TBCK: variants seen among roughly 807,000 people sequenced by gnomAD.
TBCK encodes the protein TBC domain-containing protein kinase-like protein.
In TBCK, 99 loss-of-function variants were observed where a neutral mutation model predicts 113.4. That is an observed-to-expected ratio of 0.87 (90% CI 0.74 to 1.03). TBCK has a LOEUF of 1.03. TBCK is among the 50% of genes least tolerant of loss of function. The pLI is 0.00. For synonymous variants in TBCK, 369 were observed against 370.8 expected, an observed-to-expected ratio of 1.00 and a Z score of 0.05; for missense variants, 1,045 against 1,061.3, an observed-to-expected ratio of 0.98 and a Z score of 0.21.
chr4:106,048,595 T>C (rs183602221), intron 25 of TBCK, among the ~76,000 whole-genome samples: 3 of 152,268 alleles, frequency 2.0e-5, no homozygotes, highest in East Asian at 3.9e-4. Context: ...CATATGATTA[T>C]TGAAACATCT....
Position 106,171,230 on chromosome 4 carries a change from C to T in TBCK, c.2100G>A (p.Leu700=), listed in dbSNP as rs1750968885. The T allele has an allele frequency of 9.9e-6, 16 of 1,611,522 alleles. No homozygotes were observed. The highest frequency in any genetic ancestry group is 1.4e-5 in the Non-Finnish European group (16 of 1,179,050). ...IERCVRESIN[L]FCWTPKSATY... ...TAGCACTTTTAGGAGTCCAACAAAA[C>T]AGGTTGATAGATTCTCTCACACAGC... The change falls in exon 23 of 26, where the codon CTG becomes CTA. Residue 700 remains leucine, a synonymous_variant. Transcript: ENST00000394708.
chr4:106,275,427 T>C (rs992781546), intron 3 of TBCK, among the ~76,000 whole-genome samples: 2 of 152,070 alleles, frequency 1.3e-5, no homozygotes, highest in African/African-American at 4.8e-5. Context: ...TCCTATCTAG[T>C]GAAATAGGTC....
At chr4:106,086,441 T>C (rs1739526522) in intron 25 of TBCK, among the ~76,000 whole-genome samples, 1 of 152,148 alleles carries the variant, frequency 6.6e-6, no homozygotes, top group Non-Finnish European at 1.5e-5. Flanking sequence ...CAGTAATTAA[T>C]AGCCTACCAA....
intron 23 of TBCK, among the ~76,000 whole-genome samples, chr4:106,149,057 C>G (rs1748170323): frequency 6.6e-6 from 1 of 152,178 alleles, no homozygotes; most frequent in African/African-American, 2.4e-5. Context: ...TCTTATGAAC[C>G]AACCTCTGCT....
chr4:106,204,978 G>A (rs1755301523), intron 20 of TBCK, among the ~76,000 whole-genome samples: 1 of 150,934 alleles, frequency 6.6e-6, no homozygotes, highest in Non-Finnish European at 1.5e-5. Context: ...TGTTAGCCAG[G>A]ATGGTCTCGA....
chr4:106,268,059 T>A (rs1763147158), intron 3 of TBCK, among the ~76,000 whole-genome samples: 1 of 152,076 alleles, frequency 6.6e-6, no homozygotes, highest in African/African-American at 2.4e-5. Flanking sequence ...TACTTCTCTG[T>A]TCCTCATTCC....
rs577953443 is a variant in TBCK at position 106,181,508 on chromosome 4, C to G, written c.2060-10238G>C. ...AGGATTTTTATGGTTCTAGGTCTTA[C>G]GTTTAAGTCTTTGATCCATCTTGAG... On this transcript the variant is annotated intron_variant, in intron 22 of 25. Transcript: ENST00000394708. 2.6e-5 allele frequency among the ~76,000 whole-genome samples: 4 copies of G among 152,224 alleles called. 1 individual carries two copies. Among genetic ancestry groups the G allele is most frequent in the African/African-American group, 9.6e-5 (4 of 41,542 alleles).
rs765296842 is a variant in TBCK at position 106,233,693 on chromosome 4, A to T, written c.1450-43T>A. 3.5e-6 allele frequency: 5 copies of T among 1,429,960 alleles called. No individual in the cohort carries two copies. In the Admixed American group the frequency reaches 7.1e-5, roughly 20 times the overall value. 88.6% of individuals were successfully genotyped at this position (1,429,960 alleles called of 1,614,324 possible). On this transcript the variant is annotated intron_variant, in intron 15 of 25. Transcript: ENST00000394708. ...AGATATATTAATTTATCATATCCTT[A>T]ATACAAATAGTAATATAGAGAAATC...
chr4:106,055,850 T>C (rs1735322727), intron 25 of TBCK, among the ~76,000 whole-genome samples: 1 of 151,634 alleles, frequency 6.6e-6, no homozygotes, highest in East Asian at 1.9e-4. Context: ...AAGGGTCTTT[T>C]CAACAATCTC....
chr4:106,108,041 C>T (rs1205812151), intron 24 of TBCK, among the ~76,000 whole-genome samples: 7 of 152,024 alleles, frequency 4.6e-5, no homozygotes, highest in South Asian at 2.1e-4. Context: ...ATACACCCTC[C>T]GAAGACTGAG....
intron 23 of TBCK, among the ~76,000 whole-genome samples, chr4:106,141,022 T>G (rs1270740457): frequency 7.1e-6 from 1 of 140,442 alleles, no homozygotes; most frequent in Admixed American, 7.1e-5. Flanking sequence ...GATAAAACTC[T>G]CAAGAAATCA....
chr4:106,137,484 T>C (rs1207060255), intron 23 of TBCK, among the ~76,000 whole-genome samples: 1 of 140,426 alleles, frequency 7.1e-6, no homozygotes, highest in African/African-American at 2.5e-5. Flanking sequence ...CTCAAAGGAA[T>C]TTTAACAAGA....
At chr4:106,092,011 G>A (rs1250943548) in intron 25 of TBCK, among the ~76,000 whole-genome samples, 1 of 152,196 alleles carries the variant, frequency 6.6e-6, no homozygotes, top group African/African-American at 2.4e-5. Context: ...GATACAGAGT[G>A]CTGATTGGTG....
chr4:106,212,107 C>T (rs1199242489), intron 20 of TBCK, among the ~76,000 whole-genome samples: 1 of 152,064 alleles, frequency 6.6e-6, no homozygotes, highest in Non-Finnish European at 1.5e-5. Flanking sequence ...ATCCCCATCA[C>T]CAAGCAGCTA....
At chr4:106,171,851 G>A (rs987155672) in intron 22 of TBCK, among the ~76,000 whole-genome samples, 1 of 151,910 alleles carries the variant, frequency 6.6e-6, no homozygotes, top group Admixed American at 6.6e-5. Flanking sequence ...CTGTTTTTGA[G>A]ATAGAGTCTT....
At chr4:106,090,220 G>A (rs1256403188) in intron 25 of TBCK, among the ~76,000 whole-genome samples, 4 of 152,220 alleles carry the variant, frequency 2.6e-5, no homozygotes, top group African/African-American at 7.2e-5. Flanking sequence ...AAGCTGCCAG[G>A]GATTACGGCT....
intron 23 of TBCK, among the ~76,000 whole-genome samples, chr4:106,157,504 C>T (rs1749266378): frequency 6.6e-6 from 1 of 152,134 alleles, no homozygotes; most frequent in African/African-American, 2.4e-5. Context: ...TAAGGCTTGC[C>T]AGAACTGAAG....
intron 2 of TBCK, among the ~76,000 whole-genome samples, chr4:106,298,928 T>C (rs1766622067): frequency 6.6e-6 from 1 of 152,124 alleles, no homozygotes; most frequent in Admixed American, 6.5e-5. Context: ...GTTTTAGACA[T>C]CCACTGGGGG....
chr4:106,084,216 G>A (rs936932430), intron 25 of TBCK, among the ~76,000 whole-genome samples: 3 of 152,064 alleles, frequency 2.0e-5, no homozygotes, highest in African/African-American at 7.2e-5. Context: ...TTGCTAACTA[G>A]AATAACTAGT....
Sources: gnomAD v4.1 joint callset for allele counts (sites outside exome capture counted in the v4.1 genomes callset) on GRCh38, gnomAD v4.1.1 for gene constraint, MANE v1.5 for transcripts, NCBI Gene and HGNC (gene_info 2026-07-23, HGNC 2026-07-21) for gene names.